The following ARHGAP32 variants were observed in gnomAD, a reference collection of about 807,000 sequenced individuals.
ARHGAP32 encodes the protein Rho GTPase activating protein 32.
Under a neutral mutation model 186.5 loss-of-function variants are expected in ARHGAP32, and 51 were observed. The observed-to-expected ratio is 0.27, with a 90% CI of 0.22 to 0.35. The LOEUF (loss-of-function observed/expected upper bound fraction) is 0.35. Ranked by LOEUF, ARHGAP32 falls within the 10% of genes least tolerant of loss-of-function variation. ARHGAP32 has a pLI of 1.00. For missense variants in ARHGAP32, 2,186 were observed against 2,623.5 expected, an observed-to-expected ratio of 0.83 and a Z score of 3.64; for synonymous variants, 950 against 964.3, an observed-to-expected ratio of 0.99 and a Z score of 0.27.
intron 2 of ARHGAP32, among the ~76,000 whole-genome samples, chr11:129,127,684 G>A: frequency 6.6e-6 from 1 of 151,986 alleles, no homozygotes. Context: ...CATAGCTTGA[G>A]TTACTTATTC....
chr11:129,093,774 C>T (rs1028411043), intron 5 of ARHGAP32, 67 bp from the exon 6 acceptor site: 3 of 1,081,112 alleles, frequency 2.8e-6, no homozygotes, highest in Non-Finnish European at 4.2e-6. Context: ...ATAAACTAAG[C>T]ATTCATAATA....
intron 5 of ARHGAP32, among the ~76,000 whole-genome samples, chr11:129,112,266 G>A (rs147121167): frequency 3.3e-5 from 5 of 152,004 alleles, no homozygotes; most frequent in Non-Finnish European, 7.4e-5. Context: ...CCATTAGTCT[G>A]AGGAACTGAT....
rs1565350382 is a variant in ARHGAP32 at position 128,974,998 on chromosome 11, A to C, written c.2199T>G (p.Asp733Glu). Reference sequence around the variant, plus strand: ...GTCTTCTGGGTCGGAAGAGCTTAGAATCACCTGGAAAAAATGAATAACAGT... The same window carrying C: ...GTCTTCTGGGTCGGAAGAGCTTAGACTCACCTGGAAAAAATGAATAACAGT... ...SLTSLHAVDG[D>E]SKLFRPRRPR... The change falls in exon 21 of 23, where the codon GAT becomes GAG. Residue 733 changes from aspartate (D) to glutamate (E), a missense_variant. Physicochemically the swap from Asp to Glu is conservative, Grantham distance 45 (BLOSUM62 2). Coordinates refer to ENST00000682385, the MANE Select transcript of ARHGAP32 (RefSeq NM_001378024.1). 6.3e-7 allele frequency: 1 copy of C among 1,597,900 alleles called. No individual in the cohort carries two copies. Among genetic ancestry groups the C allele is most frequent in the Middle Eastern group, 1.7e-4 (1 of 5,958 alleles).
chr11:129,158,818 C>T (rs1176529487), intron 2 of ARHGAP32, among the ~76,000 whole-genome samples: 1 of 152,164 alleles, frequency 6.6e-6, no homozygotes, highest in African/African-American at 2.4e-5. Context: ...GGAAGTAAAA[C>T]ACTCCTCAGC....
At chr11:129,244,927 A>G (rs1002030801) in intron 1 of ARHGAP32, among the ~76,000 whole-genome samples, 2 of 151,290 alleles carry the variant, frequency 1.3e-5, no homozygotes, top group Non-Finnish European at 3.0e-5. Context: ...TAGAATGGCA[A>G]TCATTAAAAA....
At chr11:129,000,672 T>C (rs1222571487) in intron 11 of ARHGAP32, among the ~76,000 whole-genome samples, 1 of 152,202 alleles carries the variant, frequency 6.6e-6, no homozygotes, top group African/African-American at 2.4e-5. Flanking sequence ...AAATTATTTT[T>C]GACTGTAGTC....
At chr11:129,276,556 C>T (rs1945534166) in intron 1 of ARHGAP32, among the ~76,000 whole-genome samples, 1 of 152,192 alleles carries the variant, frequency 6.6e-6, no homozygotes, top group South Asian at 2.1e-4. Flanking sequence ...ATCCTCCCAC[C>T]TCTGCCTGCC....
chr11:129,043,373 C>CTTTTTTTTTTTTTTTTTT (rs1162755786), intron 10 of ARHGAP32, among the ~76,000 whole-genome samples: 1 of 83,726 alleles, frequency 1.2e-5, no homozygotes, highest in Non-Finnish European at 2.7e-5. Context: ...ATGCAAATTT[C>CTTTTTTTTTTTTTTTTTT]TTTTTTTCTT....
upstream of ARHGAP32, among the ~76,000 whole-genome samples, chr11:129,195,448 G>A (rs963450260): frequency 5.3e-5 from 8 of 152,222 alleles, no homozygotes; most frequent in Admixed American, 3.9e-4. Flanking sequence ...CACATCTTCC[G>A]AGGCTTGTTC....
At chr11:129,240,198 G>C (rs1944996138) in intron 1 of ARHGAP32, among the ~76,000 whole-genome samples, 1 of 151,974 alleles carries the variant, frequency 6.6e-6, no homozygotes, top group African/African-American at 2.4e-5. Flanking sequence ...AGGGTGACTA[G>C]ACATATAAAT....
At chr11:129,031,645 G>A (rs923021667) in intron 11 of ARHGAP32, among the ~76,000 whole-genome samples, 1 of 152,148 alleles carries the variant, frequency 6.6e-6, no homozygotes, top group African/African-American at 2.4e-5. Flanking sequence ...ATTGTGATAC[G>A]GACAGGAGAA....
intron 11 of ARHGAP32, among the ~76,000 whole-genome samples, chr11:129,003,191 T>G (rs1416355172): frequency 6.6e-6 from 1 of 152,240 alleles, no homozygotes; most frequent in Non-Finnish European, 1.5e-5. Flanking sequence ...GTATCGCATG[T>G]ATTGATTTAT....
At chr11:129,016,422 C>T (rs1296537590) in intron 11 of ARHGAP32, among the ~76,000 whole-genome samples, 1 of 152,146 alleles carries the variant, frequency 6.6e-6, no homozygotes. Flanking sequence ...CTTCTAAAAA[C>T]TTTTGCTTTT....
At chr11:129,085,531 T>C (rs1323568465) in intron 6 of ARHGAP32, among the ~76,000 whole-genome samples, 2 of 152,184 alleles carry the variant, frequency 1.3e-5, no homozygotes, top group African/African-American at 4.8e-5. Context: ...ATGCCAGTTC[T>C]TCCAAACCTG....
intron 11 of ARHGAP32, among the ~76,000 whole-genome samples, chr11:128,999,689 C>T (rs989393026): frequency 2.0e-5 from 3 of 152,154 alleles, no homozygotes; most frequent in Admixed American, 6.5e-5. Flanking sequence ...GACCAGCCGA[C>T]ACTTTGGGAA....
chr11:129,065,008 G>C, intron 7 of ARHGAP32, 75 bp from the exon 8 acceptor site: 1 of 1,215,368 alleles, frequency 8.2e-7, no homozygotes, highest in Non-Finnish European at 1.2e-6. Context: ...GATGGTTTCT[G>C]GAAGAAAAAA....
At chr11:129,000,428 C>G (rs1054087110) in intron 11 of ARHGAP32, among the ~76,000 whole-genome samples, 1 of 152,118 alleles carries the variant, frequency 6.6e-6, no homozygotes, top group Non-Finnish European at 1.5e-5. Context: ...CCTAAATCCC[C>G]CTACTAAGTT....
chr11:129,214,865 G>A (rs551513501), intron 1 of ARHGAP32, among the ~76,000 whole-genome samples: 6 of 152,148 alleles, frequency 3.9e-5, no homozygotes, highest in African/African-American at 9.7e-5. Flanking sequence ...CTCCATCTTC[G>A]TAGAAGGACA....
In ARHGAP32 at chr11:129,114,033, T is replaced by C. The variant is rs373882113; in HGVS notation, c.444+9413A>G. 2.2e-4 allele frequency among the ~76,000 whole-genome samples: 34 copies of C among 152,232 alleles called. No individual in the cohort carries two copies. In the South Asian group the frequency reaches 2.7e-3, roughly 12 times the overall value. ...TTATCTCTTACAGTCATCCCCTTTT[T>C]TCCTACTCCCCACTGCTAATTCCCT... On this transcript the variant is annotated intron_variant, in intron 5 of 22. Transcript: ENST00000682385.
Sources: allele counts gnomAD v4.1 joint callset (sites outside exome capture counted in the v4.1 genomes callset), GRCh38; gene constraint gnomAD v4.1.1; transcripts MANE v1.5; gene names NCBI Gene and HGNC (gene_info 2026-07-23, HGNC 2026-07-21).